GLIS3: variants seen among roughly 807,000 people sequenced by gnomAD.
The protein encoded by GLIS3 is zinc finger protein GLIS3.
GLIS3 carries 53 observed loss-of-function variants against 78.6 expected under a neutral mutation model. That is an observed-to-expected ratio of 0.67 (90% CI 0.54 to 0.85). The LOEUF is 0.85. GLIS3 is among the 40% of genes least tolerant of loss of function. The pLI, the probability that GLIS3 is intolerant of heterozygous loss-of-function variation, is 0.00. For missense variants in GLIS3, 1,703 were observed against 1,231.1 expected, an observed-to-expected ratio of 1.38 and a Z score of -5.74; for synonymous variants, 684 against 509.9, an observed-to-expected ratio of 1.34 and a Z score of -4.60.
chr9:4,037,693 TG>T (rs1398542531), intron 4 of GLIS3, among the ~76,000 whole-genome samples: 2 of 152,164 alleles, frequency 1.3e-5, no homozygotes, highest in African/African-American at 4.8e-5. Context: ...GTAATAACCT[TG>T]CCAACAGACT....
the GLIS3 span, among the ~76,000 whole-genome samples, chr9:4,468,929 G>C: frequency 1.3e-5 from 2 of 152,100 alleles, no homozygotes; most frequent in Admixed American, 6.6e-5. Flanking sequence ...TCAAAATAAA[G>C]GGATGGAGGA....
intron 4 of GLIS3, among the ~76,000 whole-genome samples, chr9:4,028,863 T>G (rs1238589763): frequency 6.6e-6 from 1 of 152,132 alleles, no homozygotes; most frequent in African/African-American, 2.4e-5. Flanking sequence ...ATAAAGGTAA[T>G]AAATGTTGCC....
chr9:4,253,444 G>A (rs570161820), intron 2 of GLIS3, among the ~76,000 whole-genome samples: 1 of 152,316 alleles, frequency 6.6e-6, no homozygotes, highest in East Asian at 1.9e-4. Context: ...CAGTAATGGT[G>A]GATGACGCTC....
chr9:4,311,949 AGAGAG>A (rs1229385330), intron 2 of GLIS3, among the ~76,000 whole-genome samples: 1 of 127,854 alleles, frequency 7.8e-6, no homozygotes, highest in African/African-American at 2.5e-5. Flanking sequence ...ACGTGGACAC[AGAGAG>A]AAGAACTACA....
chr9:4,266,944 G>A (rs1357038835), intron 2 of GLIS3, among the ~76,000 whole-genome samples: 2 of 152,150 alleles, frequency 1.3e-5, no homozygotes, highest in African/African-American at 4.8e-5. Flanking sequence ...CAGACCTGCT[G>A]ATAAGTGCTA....
At chr9:3,863,715 G>GTGAT (rs1237867069) in intron 8 of GLIS3, among the ~76,000 whole-genome samples, 12 of 152,366 alleles carry the variant, frequency 7.9e-5, no homozygotes, top group African/African-American at 2.9e-4. Context: ...GAGTGAGTGA[G>GTGAT]TGTGAGAAAC....
chr9:3,834,772 A>C (rs1431425237), intron 9 of GLIS3, among the ~76,000 whole-genome samples: 1 of 152,180 alleles, frequency 6.6e-6, no homozygotes, highest in Non-Finnish European at 1.5e-5. Context: ...AAATACATTA[A>C]TAAGTAAAGA....
intron 7 of GLIS3, among the ~76,000 whole-genome samples, chr9:3,880,091 C>T (rs1191280634): frequency 2.0e-5 from 3 of 152,168 alleles, no homozygotes; most frequent in Non-Finnish European, 4.4e-5. Context: ...AGAACTGGAG[C>T]TTCCCTGATC....
intron 2 of GLIS3, among the ~76,000 whole-genome samples, chr9:4,260,288 C>A (rs1237231438): frequency 1.3e-5 from 2 of 151,974 alleles, no homozygotes; most frequent in Non-Finnish European, 2.9e-5. Context: ...AAAATTAGGC[C>A]GGGCACAGTG....
chr9:4,434,267 G>T, the GLIS3 span, among the ~76,000 whole-genome samples: 2 of 152,156 alleles, frequency 1.3e-5, no homozygotes, highest in African/African-American at 4.8e-5. Context: ...TATGCCAGAT[G>T]CTCTACTGGT....
chr9:3,998,722 C>T (rs1156448033), intron 4 of GLIS3, among the ~76,000 whole-genome samples: 4 of 150,044 alleles, frequency 2.7e-5, no homozygotes, highest in African/African-American at 9.7e-5. Flanking sequence ...TTAAGGTTTA[C>T]TACTTTTTAT....
chr9:4,304,870 C>T (rs116088598), upstream of GLIS3, among the ~76,000 whole-genome samples: 684 of 152,260 alleles, frequency 4.5e-3, 5 homozygotes, highest in African/African-American at 0.015. Context: ...GAGATTTTCA[C>T]GTGTATACAC....
the GLIS3 span, among the ~76,000 whole-genome samples, chr9:4,434,217 T>G: frequency 9.8e-5 from 15 of 152,358 alleles, no homozygotes; most frequent in African/African-American, 3.4e-4. Context: ...ATCCATGTAT[T>G]TATTCCACAT....
At chr9:4,455,696 G>C in the GLIS3 span, among the ~76,000 whole-genome samples, 459 of 152,234 alleles carry the variant, frequency 3.0e-3, 4 homozygotes, top group African/African-American at 0.011. Context: ...ATAATGTGTT[G>C]ATTGTTTCTT....
chr9:4,073,004 T>C (rs1827736907), intron 4 of GLIS3, among the ~76,000 whole-genome samples: 1 of 136,450 alleles, frequency 7.3e-6, no homozygotes, highest in Non-Finnish European at 1.5e-5. Context: ...TTCACTTGGG[T>C]TTACTGCTTT....
the GLIS3 span, among the ~76,000 whole-genome samples, chr9:4,481,831 T>C: frequency 6.6e-6 from 1 of 152,244 alleles, no homozygotes; most frequent in South Asian, 2.1e-4. Context: ...ATTGCCTAAC[T>C]GTCCTCAGAA....
At chr9:4,218,178 G>A (rs10758578) in intron 2 of GLIS3, among the ~76,000 whole-genome samples, 62,823 of 152,044 alleles carry the variant, frequency 0.41, 13,193 homozygotes, top group South Asian at 0.51. Context: ...CTACCACATC[G>A]TATCAATCAG....
chr9:4,463,037 G>A, the GLIS3 span, among the ~76,000 whole-genome samples: 1 of 152,120 alleles, frequency 6.6e-6, no homozygotes, highest in Admixed American at 6.5e-5. Flanking sequence ...CTGTCCCACT[G>A]GAGATTTACA....
At chr9:4,439,510 T>C in the GLIS3 span, among the ~76,000 whole-genome samples, 1 of 152,178 alleles carries the variant, frequency 6.6e-6, no homozygotes, top group Non-Finnish European at 1.5e-5. Context: ...GGCAAAAATT[T>C]TTTCCTCCTG....
Sources: allele counts gnomAD v4.1 joint callset (sites outside exome capture counted in the v4.1 genomes callset), GRCh38; gene constraint gnomAD v4.1.1; transcripts MANE v1.5; gene names NCBI Gene and HGNC (gene_info 2026-07-23, HGNC 2026-07-21).